Variants in PRKCSH observed in about 807,000 individuals in gnomAD.
PRKCSH encodes glucosidase 2 subunit beta.
PRKCSH carries 42 observed loss-of-function variants against 79.7 expected under a neutral mutation model. That is an observed-to-expected ratio of 0.53 (90% CI 0.41 to 0.68). PRKCSH has a LOEUF of 0.68. Among genes scored for constraint, PRKCSH ranks in the 30% least tolerant of loss-of-function variants. The probability of loss-of-function intolerance (pLI) is 0.00; values close to 1 mark genes in which losing one functional copy is unlikely to be tolerated. For synonymous variants in PRKCSH, 325 were observed against 288.2 expected (o/e 1.13, Z -1.29); for missense variants, 686 against 709.0 (o/e 0.97, Z 0.37).
intron 7 of PRKCSH, among the ~76,000 whole-genome samples, chr19:11,443,625 G>A (rs74179993): frequency 5.9e-5 from 9 of 151,888 alleles, no homozygotes; most frequent in Admixed American, 1.3e-4. Flanking sequence ...CAGGAGAATC[G>A]CTGGAACCCG....
Position 11,449,400 on chromosome 19 carries a change from T to A in PRKCSH, c.1596T>A (p.His532Gln). The A allele has an allele frequency of 1.2e-6, 2 of 1,612,918 alleles. No individual in the cohort carries two copies. The highest frequency in any genetic ancestry group is 1.7e-6 in the Non-Finnish European group (2 of 1,179,900). ...CTGAAGCACCCACCGAAGACGACCATGACGAGCTCTAGCTGGATGGGCGCA... is the reference window on the plus strand; with the variant it reads ...CTGAAGCACCCACCGAAGACGACCAAGACGAGCTCTAGCTGGATGGGCGCA... ...PPPEAPTEDD[H>Q]DEL The change falls in exon 17 of 18, where the codon CAT becomes CAA. Residue 532 changes from histidine (H) to glutamine (Q), a missense_variant. Transcript: ENST00000677123. The surrounding 1 kb of genome is among the most constrained non-coding windows in gnomAD (Gnocchi z 6.4).
At position 11,446,357 on chromosome 19, in the gene PRKCSH, C is replaced by G. The variant is rs1302623065; in HGVS notation, c.762+7C>G. On this transcript the variant is annotated splice_region_variant and intron_variant, in intron 9 of 17. Transcript: ENST00000677123. The stretch of plus-strand genomic sequence containing the variant: ...GTCAGAAGCGGAAGCTCAGGTACCC[C>G]CGGCTGCCCCTTGGTTGGGGACTTC... The G allele has an allele frequency of 9.9e-6, 16 of 1,611,882 alleles. No individual in the cohort carries two copies. Among genetic ancestry groups the G allele is most frequent in the Non-Finnish European group, 1.3e-5 (15 of 1,178,944 alleles).
rs1351873180 is a variant in PRKCSH at position 11,447,893 on chromosome 19, G to A, written c.1126+104G>A. 2.3e-6 allele frequency: 3 copies of A among 1,288,564 alleles called. No homozygotes were observed. Among genetic ancestry groups the A allele is most frequent in the East Asian group, 5.1e-5 (2 of 39,378 alleles). The allele number at this position is 1,288,564 out of a possible 1,614,324, so 79.8% of individuals were successfully genotyped here. On this transcript the variant is annotated intron_variant, in intron 12 of 17. Transcript: ENST00000677123. This position sits in a 1 kb window ranked among gnomAD's most constrained non-coding sequence, Gnocchi z 5.6. ...TGAGCTTAGACCCTGCTCTGACTCG[G>A]CCAGCACAAGCCCCAGTATCTTGGG... is the stretch of plus-strand genomic sequence containing the variant.
rs1970366154 is a variant in PRKCSH, at chr19:11,447,486, G to A, written c.897G>A (p.Glu299=). Residue 299 remains glutamate (E), a synonymous_variant, in exon 11 of 18, where the codon GAG becomes GAA. Coordinates refer to ENST00000677123, the MANE Select transcript of PRKCSH (RefSeq NM_001289104.2). The surrounding 1 kb of genome is among the most constrained non-coding windows in gnomAD (Gnocchi z 5.6). The part of the protein sequence containing the change: ...LPAPSAPDLT[E]PKEEQPPVPS... ...CACCTTCTGCCCCTGACTTGACGGA[G>A]CCCAAGGAGGAGCAGCCGCCAGTGC... The A allele has an allele frequency of 3.1e-6, 5 of 1,613,930 alleles. No homozygotes were observed. Among genetic ancestry groups the A allele is most frequent in the Non-Finnish European group, 4.2e-6 (5 of 1,179,992 alleles).
intron 5 of PRKCSH, among the ~76,000 whole-genome samples, chr19:11,438,427 C>T (rs570411752): frequency 2.0e-5 from 3 of 152,122 alleles, no homozygotes; most frequent in Non-Finnish European, 4.4e-5. Context: ...TGCAGCAGGT[C>T]CTGAAAACCG....
At chr19:11,442,630 C>A in intron 7 of PRKCSH, 115 bp downstream of exon 7, 1 of 1,466,288 alleles carries the variant, frequency 6.8e-7, no homozygotes, top group Non-Finnish European at 9.3e-7. Flanking sequence ...GATCATGCTG[C>A]CCATCGCCTT....
rs145877768 is a variant in PRKCSH at position 11,448,260 on chromosome 19, C to T, written c.1165C>T (p.Arg389Trp). Residue 389 changes from arginine (R) to tryptophan (W), a missense_variant, in exon 13 of 18, where the codon CGG becomes TGG. By Grantham distance (101) the Arg-to-Trp change is moderately radical. Coordinates refer to ENST00000677123, the MANE Select transcript of PRKCSH (RefSeq NM_001289104.2). The surrounding 1 kb of genome is among the most constrained non-coding windows in gnomAD (Gnocchi z 4.4). ...EARNKFEEAERSLKDMEESIR... is the reference protein window; with the variant it reads ...EARNKFEEAEWSLKDMEESIR... ...CCGCAACAAGTTCGAGGAGGCCGAG[C>T]GGTCGCTGAAGGACATGGAGGAGTC... 9.7e-5 allele frequency: 152 copies of T among 1,569,998 alleles called. No individual in the cohort carries two copies. Among genetic ancestry groups the T allele is most frequent in the Admixed American group, 7.9e-4 (42 of 53,248 alleles).
chr19:11,450,451 C>A (rs1970557374), intron 17 of PRKCSH, 195 bp from the exon 18 acceptor site: 1 of 151,606 alleles, frequency 6.6e-6, no homozygotes, highest in Non-Finnish European at 1.5e-5. Flanking sequence ...CACTCTCCAG[C>A]CTGGGCTACA....
At chr19:11,443,184 G>A (rs377211231) in intron 7 of PRKCSH, among the ~76,000 whole-genome samples, 3 of 151,076 alleles carry the variant, frequency 2.0e-5, no homozygotes, top group East Asian at 3.9e-4. Flanking sequence ...AGGCCGAGAC[G>A]GGCAGATCAC....
Position 11,448,679 on chromosome 19 carries a change from G to A in PRKCSH, c.1286+50G>A, listed in dbSNP as rs897724387. 6 of 1,556,096 alleles carry A rather than the reference G, an allele frequency of 3.9e-6. No individual in the cohort carries two copies. The African/African-American group carries it at 5.4e-5, about 14-fold the overall frequency. On this transcript the variant is annotated intron_variant, in intron 14 of 17. Coordinates refer to ENST00000677123, the MANE Select transcript of PRKCSH (RefSeq NM_001289104.2). This position sits in a 1 kb window ranked among gnomAD's most constrained non-coding sequence, Gnocchi z 4.4. Reference sequence around the variant, plus strand: ...CCCACTGGCAGGGTGGGAGGCGGGTGGCCCCGGAAGTGGCACCGGCAGTTT... The same window carrying A: ...CCCACTGGCAGGGTGGGAGGCGGGTAGCCCCGGAAGTGGCACCGGCAGTTT...
Position 11,448,015 on chromosome 19 carries a change from T to A in PRKCSH, c.1127-207T>A, listed in dbSNP as rs1970403104. ...AAGGGCCGCAGCTTGTTTGTGTCAC[T>A]CCTGGCCCCACTCGCTCAGGAGCTG... On this transcript the variant is annotated intron_variant, in intron 12 of 17. Transcript: ENST00000677123. This position sits in a 1 kb window ranked among gnomAD's most constrained non-coding sequence, Gnocchi z 4.4. 1 of 753,794 alleles carries A rather than the reference T, an allele frequency of 1.3e-6. No homozygotes were observed. The highest frequency in any genetic ancestry group is 2.7e-5 in the East Asian group (1 of 37,118). The allele number at this position is 753,794 out of a possible 1,614,324, so 46.7% of individuals were successfully genotyped here.
Position 11,438,119 on chromosome 19 carries a change from C to A in PRKCSH, c.345C>A (p.Thr115=), listed in dbSNP as rs771831721. Residue 115 remains threonine (T), a synonymous_variant, in exon 5 of 18, where the codon ACC becomes ACA. Coordinates refer to ENST00000677123, the MANE Select transcript of PRKCSH (RefSeq NM_001289104.2). The stretch of plus-strand genomic sequence containing the variant: ...ACAGCGGCGTCATCTGTGAGAACAC[C>A]TGCAAGTACGTGGGTGACAGTACCC... ...EYNSGVICEN[T]CKEKGRKERE... 6.2e-7 allele frequency: 1 copy of A among 1,614,142 alleles called. No homozygotes were observed. Among genetic ancestry groups the A allele is most frequent in the Admixed American group, 1.7e-5 (1 of 59,998 alleles).
At chr19:11,446,991 G>T (rs1970336117) in intron 9 of PRKCSH, 83 bp from the exon 10 acceptor site, 2 of 1,453,988 alleles carry the variant, frequency 1.4e-6, no homozygotes, top group Admixed American at 3.4e-5. Flanking sequence ...TCCCGTGCCT[G>T]GCACCGCAGC....
Position 11,437,991 on chromosome 19 carries a change from G to A in PRKCSH, c.292+20G>A. ...TTTGTGGTAAGTGAAGATGCACCAG[G>A]ATTCTGGAAAGGTGGTAGAGGGAGG... On this transcript the variant is annotated intron_variant, in intron 4 of 17. Transcript: ENST00000677123. 1.9e-6 allele frequency: 3 copies of A among 1,613,886 alleles called. No individual in the cohort carries two copies. Among genetic ancestry groups the A allele is most frequent in the Non-Finnish European group, 1.7e-6 (2 of 1,179,780 alleles).
chr19:11,446,339 G>T lies in PRKCSH; in HGVS notation c.751G>T (p.Ala251Ser), dbSNP rs147043213. Residue 251 changes from alanine (A) to serine (S), a missense_variant, in exon 9 of 18, where the codon GCG becomes TCG. Transcript: ENST00000677123. ...AGATGGGGATGGGGCGTTGTCAGAAGCGGAAGCTCAGGTACCCCCGGCTGC... is the reference window on the plus strand; with the variant it reads ...AGATGGGGATGGGGCGTTGTCAGAATCGGAAGCTCAGGTACCCCCGGCTGC... Reference protein sequence around the residue: ...DTDGDGALSEAEAQALLSGDT... With the variant: ...DTDGDGALSESEAQALLSGDT... 6.7e-4 allele frequency: 1,086 copies of T among 1,613,500 alleles called. 2 individuals carry two copies. Among genetic ancestry groups the T allele is most frequent in the Non-Finnish European group, 8.5e-4 (1,007 of 1,179,700 alleles).
intron 1 of PRKCSH, 46 bp from the exon 2 acceptor site, chr19:11,435,995 G>A: frequency 7.4e-7 from 1 of 1,345,314 alleles, no homozygotes; most frequent in Admixed American, 1.7e-5. Flanking sequence ...CCAATTGGCT[G>A]GAAGTAGCCC....
intron 5 of PRKCSH, among the ~76,000 whole-genome samples, chr19:11,439,605 C>CTTTTTTTTTTTTTT (rs758607686): frequency 1.5e-5 from 1 of 68,832 alleles, no homozygotes; most frequent in Non-Finnish European, 2.8e-5. Context: ...TTTTTCTTTT[C>CTTTTTTTTTTTTTT]TTTTTTTTTT....
chr19:11,445,576 C>T, intron 8 of PRKCSH, 103 bp downstream of exon 8: 2 of 1,175,796 alleles, frequency 1.7e-6, no homozygotes, highest in Non-Finnish European at 2.5e-6. Context: ...TTGGGTTCCC[C>T]CGGCGTGGGG....
At chr19:11,443,838 C>T (rs1052630874) in intron 7 of PRKCSH, among the ~76,000 whole-genome samples, 17 of 152,122 alleles carry the variant, frequency 1.1e-4, no homozygotes, top group African/African-American at 2.7e-4. Flanking sequence ...GCCAATGGCC[C>T]GATCTCTGCT....
Sources: allele counts gnomAD v4.1 joint callset (sites outside exome capture counted in the v4.1 genomes callset), GRCh38; gene constraint gnomAD v4.1.1; non-coding constraint Gnocchi (gnomAD v3.1); transcripts MANE v1.5; gene names NCBI Gene and HGNC (gene_info 2026-07-23, HGNC 2026-07-21).